ANO3: variants seen among roughly 807,000 people sequenced by gnomAD.
ANO3 encodes the protein anoctamin 3, also known as anoctamin-3.
In ANO3, 99 loss-of-function variants were observed where a neutral mutation model predicts 144.8. The observed-to-expected ratio is 0.68, with a 90% CI of 0.58 to 0.81. The LOEUF (loss-of-function observed/expected upper bound fraction) is 0.81, where lower values mean the gene tolerates loss of function less well. Among genes scored for constraint, ANO3 ranks in the 30% least tolerant of loss-of-function variants. The pLI, the probability that ANO3 is intolerant of heterozygous loss-of-function variation, is 0.00. For missense variants in ANO3, 905 were observed against 1,202.2 expected, an observed-to-expected ratio of 0.75 and a Z score of 3.66; for synonymous variants, 414 against 392.6, an observed-to-expected ratio of 1.05 and a Z score of -0.64.
At chr11:26,561,751 CT>C (rs1850303547) in intron 14 of ANO3, among the ~76,000 whole-genome samples, 1 of 151,924 alleles carries the variant, frequency 6.6e-6, no homozygotes, top group Non-Finnish European at 1.5e-5. Context: ...TTATCATGCA[CT>C]TGAGGTTTTC....
At chr11:26,643,759 C>G (rs1458972765) in intron 23 of ANO3, among the ~76,000 whole-genome samples, 1 of 152,072 alleles carries the variant, frequency 6.6e-6, no homozygotes, top group Non-Finnish European at 1.5e-5. Flanking sequence ...GCCATGATCC[C>G]TCATGAATGG....
At position 26,463,148 on chromosome 11, in the gene ANO3, G is replaced by T; in HGVS notation, c.432G>T (p.Lys144Asn). The T allele has an allele frequency of 6.9e-7, 1 of 1,459,410 alleles. No homozygotes were observed. The highest frequency in any genetic ancestry group is 1.2e-5 in the South Asian group (1 of 81,094). The allele number at this position is 1,459,410 out of a possible 1,614,324, so 90.4% of individuals were successfully genotyped here. The change falls in exon 4 of 27, where the codon AAG (lysine) becomes AAT (asparagine). Residue 144 changes from lysine (K) to asparagine (N), a missense_variant and splice_region_variant. This residue lies in a region of ANO3 where 174 missense variants were observed against 171.9 expected (regional missense o/e 1.01). Transcript: ENST00000256737. ...DKSEFKTKLSKNDMNYIASSG... is the reference protein window; with the variant it reads ...DKSEFKTKLSNNDMNYIASSG... ...CTGAATTCAAGACAAAATTATCTAA[G>T]GTAATGAGAACTAAATTATCAATAA...
At chr11:26,251,635 C>T (rs1208158047) in intron 1 of ANO3, among the ~76,000 whole-genome samples, 1 of 152,066 alleles carries the variant, frequency 6.6e-6, no homozygotes, top group Non-Finnish European at 1.5e-5. Flanking sequence ...TAACGAAATA[C>T]CCAAGACTGG....
chr11:26,347,330 G>A (rs535126140), intron 1 of ANO3, among the ~76,000 whole-genome samples: 1 of 152,296 alleles, frequency 6.6e-6, no homozygotes, highest in African/African-American at 2.4e-5. Flanking sequence ...TGAAGTTAAC[G>A]TTTCTTGATT....
intron 1 of ANO3, among the ~76,000 whole-genome samples, chr11:26,373,794 T>G (rs1057319173): frequency 6.6e-6 from 1 of 152,130 alleles, no homozygotes. Context: ...ATAAAAGTAA[T>G]TAACAGTTTG....
chr11:26,468,778 A>G (rs1325841054), intron 4 of ANO3, among the ~76,000 whole-genome samples: 3 of 152,010 alleles, frequency 2.0e-5, no homozygotes, highest in African/African-American at 7.2e-5. Flanking sequence ...ACTTGGCTCT[A>G]TATGGCTGCT....
intron 1 of ANO3, among the ~76,000 whole-genome samples, chr11:26,249,604 A>C (rs1444559060): frequency 6.6e-6 from 1 of 152,066 alleles, no homozygotes; most frequent in Non-Finnish European, 1.5e-5. Flanking sequence ...GGAAATATAA[A>C]TATTTGGAGC....
At chr11:26,460,259 A>G (rs1859338129) in intron 3 of ANO3, 2 of 296,102 alleles carry the variant, frequency 6.8e-6, no homozygotes, top group Admixed American at 4.9e-5. Context: ...CATTTATTGA[A>G]AAATTTTCTT....
At chr11:26,432,402 T>A (rs1354374840) in intron 1 of ANO3, among the ~76,000 whole-genome samples, 1 of 152,210 alleles carries the variant, frequency 6.6e-6, no homozygotes, top group Non-Finnish European at 1.5e-5. Flanking sequence ...GCGAAGAAGT[T>A]TAATTACATC....
At chr11:26,190,957 A>G (rs1851463639) in intron 1 of ANO3, among the ~76,000 whole-genome samples, 1 of 152,172 alleles carries the variant, frequency 6.6e-6, no homozygotes, top group African/African-American at 2.4e-5. Flanking sequence ...TTATGTGTTT[A>G]TTTGTATGCA....
chr11:26,359,908 T>C (rs1334858568), intron 1 of ANO3, among the ~76,000 whole-genome samples: 1 of 147,612 alleles, frequency 6.8e-6, no homozygotes. Context: ...TGTAAATTTT[T>C]ATTTATATAT....
chr11:26,280,639 A>G (rs1309266299), intron 1 of ANO3, among the ~76,000 whole-genome samples: 2 of 152,074 alleles, frequency 1.3e-5, no homozygotes, highest in Non-Finnish European at 2.9e-5. Flanking sequence ...TTCCCAGTCC[A>G]CTGACTCAAA....
At chr11:26,614,493 G>C (rs990247852) in intron 17 of ANO3, among the ~76,000 whole-genome samples, 1 of 152,180 alleles carries the variant, frequency 6.6e-6, no homozygotes, top group Non-Finnish European at 1.5e-5. Context: ...AAGACACACT[G>C]TATACATGGG....
upstream of ANO3, chr11:26,332,052 AGTAGCCGCTAAGGGGAGCCGGAC>A (rs1855058215): frequency 7.3e-7 from 1 of 1,368,790 alleles, no homozygotes; most frequent in African/African-American, 1.5e-5. Flanking sequence ...TTGTTCCCAG[AGTAGCCGCTAAGGGGAGCCGGAC>A]GCTAGACCGC....
chr11:26,381,796 C>T (rs936356068), intron 1 of ANO3, among the ~76,000 whole-genome samples: 3 of 152,234 alleles, frequency 2.0e-5, no homozygotes, highest in African/African-American at 4.8e-5. Context: ...AATCAGGGGA[C>T]TGTAGGCATG....
chr11:26,293,113 T>C (rs1437569934), intron 1 of ANO3, among the ~76,000 whole-genome samples: 1 of 152,212 alleles, frequency 6.6e-6, no homozygotes, highest in African/African-American at 2.4e-5. Context: ...CCAAATCCTC[T>C]AATGAATATA....
intron 17 of ANO3, among the ~76,000 whole-genome samples, chr11:26,607,560 C>A (rs1355198090): frequency 1.3e-5 from 2 of 152,056 alleles, no homozygotes; most frequent in Non-Finnish European, 1.5e-5. Flanking sequence ...CTTATTTCAG[C>A]AACATGGTTT....
At chr11:26,560,268 A>G (rs138967628) in intron 14 of ANO3, 9 of 152,830 alleles carry the variant, frequency 5.9e-5, no homozygotes, top group African/African-American at 2.2e-4. Flanking sequence ...TGTACAAATT[A>G]TGTACAGGTA....
chr11:26,212,868 T>A (rs951986078), intron 1 of ANO3, among the ~76,000 whole-genome samples: 4 of 152,116 alleles, frequency 2.6e-5, no homozygotes, highest in African/African-American at 9.7e-5. Flanking sequence ...TGAACATTAA[T>A]GCAGAAATCC....
Sources: allele counts gnomAD v4.1 joint callset (sites outside exome capture counted in the v4.1 genomes callset), GRCh38; gene constraint gnomAD v4.1.1; regional missense constraint gnomAD v4.1.1; transcripts MANE v1.5; gene names NCBI Gene and HGNC (gene_info 2026-07-23, HGNC 2026-07-21).